DCDC2: variants seen among roughly 807,000 people sequenced by gnomAD.
DCDC2 encodes the protein doublecortin domain containing 2, also known as doublecortin domain-containing protein 2.
DCDC2 carries 40 observed loss-of-function variants against 50.2 expected under a neutral mutation model. The observed-to-expected ratio is 0.80, with a 90% CI of 0.62 to 1.04. The LOEUF is 1.04. DCDC2 is among the 50% of genes least tolerant of loss of function. DCDC2 has a pLI of 0.00. For synonymous variants in DCDC2, 234 were observed against 210.6 expected, an observed-to-expected ratio of 1.11 and a Z score of -0.96; for missense variants, 570 against 581.9, an observed-to-expected ratio of 0.98 and a Z score of 0.21.
intron 8 of DCDC2, among the ~76,000 whole-genome samples, chr6:24,185,995 T>C (rs1413037710): frequency 1.3e-5 from 2 of 152,252 alleles, no homozygotes; most frequent in Non-Finnish European, 1.5e-5. Context: ...CTGATTCATA[T>C]GGACTAATCA....
At chr6:24,238,329 T>C (rs1272788548) in intron 7 of DCDC2, among the ~76,000 whole-genome samples, 5 of 150,714 alleles carry the variant, frequency 3.3e-5, no homozygotes, top group African/African-American at 4.9e-5. Flanking sequence ...GATGGAGTCT[T>C]GTTCTGTTGC....
intron 8 of DCDC2, among the ~76,000 whole-genome samples, chr6:24,192,536 G>C (rs999402553): frequency 6.6e-6 from 1 of 152,058 alleles, no homozygotes; most frequent in Non-Finnish European, 1.5e-5. Flanking sequence ...TGCAGGAAAG[G>C]AAAGTGTAAA....
rs376829655 is a variant in DCDC2 at position 24,206,678 on chromosome 6, A to G, written c.923-1576T>C. Among the ~76,000 whole-genome samples the G allele has an allele frequency of 2.0e-5, 3 of 152,348 alleles. No individual in the cohort carries two copies. In the East Asian group the frequency reaches 5.8e-4, roughly 29 times the overall value. ...CCAAGCGGAGCTACGAATGGTTTGC[A>G]GATGTGTTTTAGAATAAGCATTTTA... On this transcript the variant is annotated intron_variant, in intron 7 of 9. Transcript: ENST00000378454.
chr6:24,279,658 A>C (rs989899468), intron 6 of DCDC2, among the ~76,000 whole-genome samples: 11 of 152,198 alleles, frequency 7.2e-5, no homozygotes, highest in African/African-American at 2.7e-4. Flanking sequence ...CTCAGGTGCT[A>C]AACTTACCTG....
In DCDC2 at chr6:24,339,907, G is replaced by C. The variant is rs554746807; in HGVS notation, c.348+13662C>G. On this transcript the variant is annotated intron_variant, in intron 2 of 9. Coordinates refer to ENST00000378454, the MANE Select transcript of DCDC2 (RefSeq NM_016356.5). ...CTAACTTGATGCTATAAGATAGAGA[G>C]AGCAAAGGGAATTCCTAAAGAGATG... 2.0e-5 allele frequency among the ~76,000 whole-genome samples: 3 copies of C among 152,246 alleles called. No homozygotes were observed. In the East Asian group the frequency reaches 5.8e-4, roughly 29 times the overall value.
intron 2 of DCDC2, among the ~76,000 whole-genome samples, chr6:24,314,559 G>A (rs1320033988): frequency 6.6e-6 from 1 of 151,940 alleles, no homozygotes; most frequent in African/African-American, 2.4e-5. Context: ...TCAAACAATT[G>A]CTAAGGCAAT....
At chr6:24,271,207 C>CAAGAAAAAA (rs1763229968) in intron 7 of DCDC2, among the ~76,000 whole-genome samples, 1 of 39,410 alleles carries the variant, frequency 2.5e-5, no homozygotes, top group Non-Finnish European at 4.2e-5. Flanking sequence ...GACACTCCCT[C>CAAGAAAAAA]AAAAAAAAAA....
chr6:24,263,757 A>T (rs535864480), intron 7 of DCDC2, among the ~76,000 whole-genome samples: 2 of 152,332 alleles, frequency 1.3e-5, no homozygotes, highest in East Asian at 1.9e-4. Flanking sequence ...CTAAAGGGCA[A>T]ATCTAAGAGT....
chr6:24,327,453 C>G lies in DCDC2; in HGVS notation c.349-25409G>C, dbSNP rs77392804. 2.5e-4 allele frequency among the ~76,000 whole-genome samples: 34 copies of G among 136,676 alleles called. 1 individual carries two copies. The highest frequency in any genetic ancestry group is 5.9e-4 in the African/African-American group (22 of 37,406). 89.7% of individuals were successfully genotyped at this position (136,676 alleles called of 152,430 possible). On this transcript the variant is annotated intron_variant, in intron 2 of 9. Coordinates refer to ENST00000378454, the MANE Select transcript of DCDC2 (RefSeq NM_016356.5). ...ACTTTTAGTCAATCAACATTATAAA[C>G]TTATTTATTTATTTATTTATTTATT...
chr6:24,277,687 T>C (rs1030257671), intron 7 of DCDC2, among the ~76,000 whole-genome samples: 3 of 152,264 alleles, frequency 2.0e-5, no homozygotes, highest in Non-Finnish European at 4.4e-5. Context: ...GACTAATAAA[T>C]CATAATGAAT....
At chr6:24,224,799 G>A (rs1762193343) in intron 7 of DCDC2, among the ~76,000 whole-genome samples, 2 of 152,044 alleles carry the variant, frequency 1.3e-5, no homozygotes, top group African/African-American at 4.8e-5. Context: ...TCTATCATAG[G>A]TAGCACTTAC....
intron 7 of DCDC2, among the ~76,000 whole-genome samples, chr6:24,246,040 G>A (rs931460355): frequency 1.3e-5 from 2 of 151,978 alleles, no homozygotes; most frequent in African/African-American, 4.8e-5. Flanking sequence ...GCCTCACTCT[G>A]TTGCCCAGGC....
intron 2 of DCDC2, among the ~76,000 whole-genome samples, chr6:24,307,628 C>G (rs1370102486): frequency 1.3e-5 from 2 of 152,104 alleles, no homozygotes; most frequent in African/African-American, 2.4e-5. Flanking sequence ...CAGTTTTCAC[C>G]ACTTTTTGAT....
intron 2 of DCDC2, among the ~76,000 whole-genome samples, chr6:24,334,758 G>A (rs1431963529): frequency 6.6e-6 from 1 of 152,214 alleles, no homozygotes; most frequent in Non-Finnish European, 1.5e-5. Context: ...ACACACTGGT[G>A]AAGAATGTTG....
the DCDC2 span, among the ~76,000 whole-genome samples, chr6:24,366,470 C>T: frequency 6.6e-6 from 1 of 152,184 alleles, no homozygotes; most frequent in Non-Finnish European, 1.5e-5. Context: ...TGGGAAAACT[C>T]AAACCAAGAG....
chr6:24,236,203 A>G (rs575291347), intron 7 of DCDC2, among the ~76,000 whole-genome samples: 3 of 152,346 alleles, frequency 2.0e-5, no homozygotes, highest in African/African-American at 7.2e-5. Context: ...CTAAAAGGCT[A>G]AAGTAACCCA....
chr6:24,195,849 A>G (rs1355697058), intron 8 of DCDC2, among the ~76,000 whole-genome samples: 2 of 152,254 alleles, frequency 1.3e-5, no homozygotes, highest in African/African-American at 2.4e-5. Flanking sequence ...AAAGGCCAGC[A>G]GTGCCTCTGC....
At chr6:24,357,298 C>A (rs757251048) in intron 1 of DCDC2, 160 bp downstream of exon 1, 6 of 787,268 alleles carry the variant, frequency 7.6e-6, no homozygotes, top group Admixed American at 3.3e-5. Context: ...TCAACCTCTA[C>A]CCCCCAACTG....
chr6:24,296,540 A>G (rs1423885737), intron 4 of DCDC2, among the ~76,000 whole-genome samples: 1 of 152,206 alleles, frequency 6.6e-6, no homozygotes, highest in Non-Finnish European at 1.5e-5. Flanking sequence ...GATAAACTAC[A>G]GAATGGGAGA....
Sources: allele counts gnomAD v4.1 joint callset (sites outside exome capture counted in the v4.1 genomes callset), GRCh38; gene constraint gnomAD v4.1.1; transcripts MANE v1.5; gene names NCBI Gene and HGNC (gene_info 2026-07-23, HGNC 2026-07-21).